KMT2E: variants seen among roughly 807,000 people sequenced by gnomAD.
KMT2E encodes the protein lysine methyltransferase 2E (inactive), also known as histone reader KMT2E.
A neutral mutation model predicts 184.6 loss-of-function variants in KMT2E; 30 were observed. The ratio of observed to expected loss-of-function variants is 0.16; its 90% confidence interval spans 0.12 to 0.22. The LOEUF is 0.22. KMT2E is among the 10% of genes least tolerant of loss of function. The probability of loss-of-function intolerance (pLI) is 1.00; values close to 1 mark genes in which losing one functional copy is unlikely to be tolerated. For missense variants in KMT2E, 2,023 were observed against 2,237.4 expected, an observed-to-expected ratio of 0.90 and a Z score of 1.93; for synonymous variants, 815 against 776.5, an observed-to-expected ratio of 1.05 and a Z score of -0.82.
chr7:105,091,773 G>A (rs1469747436), intron 15 of KMT2E, among the ~76,000 whole-genome samples: 2 of 149,142 alleles, frequency 1.3e-5, no homozygotes, highest in East Asian at 1.9e-4. Context: ...CACTGCTATC[G>A]TACAATAAGG....
rs374830056 is a variant in KMT2E, at chr7:105,107,825, G to C, written c.3368G>C (p.Cys1123Ser). Residue 1123 changes from cysteine to serine, a missense_variant, in exon 22 of 27, where the codon TGT becomes TCT. Cys to Ser is a moderately radical substitution (Grantham distance 112). Around this residue, in one of 8 missense-constraint regions of KMT2E, gnomAD observed 1,108 missense variants for 1,050.9 expected, o/e 1.05. Transcript: ENST00000311117. ...ATGTTTATGGAAACAACTGTGTTTT[G>C]TACTTCCGAAGATGGGCTTGTATCT... ...RGMFMETTVF[C>S]TSEDGLVSGF... The C allele has an allele frequency of 2.4e-5, 38 of 1,613,960 alleles. No homozygotes were observed. The highest frequency in any genetic ancestry group is 3.2e-5 in the Non-Finnish European group (38 of 1,180,006).
intron 15 of KMT2E, 125 bp from the exon 16 acceptor site, chr7:105,101,300 A>G (rs993996155): frequency 1.7e-6 from 1 of 586,842 alleles, no homozygotes; most frequent in Admixed American, 3.9e-5. Context: ...ATATCCACCA[A>G]TAATAGAAGT....
At chr7:105,067,769 G>A (rs1177802037) in intron 6 of KMT2E, among the ~76,000 whole-genome samples, 2 of 151,930 alleles carry the variant, frequency 1.3e-5, no homozygotes, top group Non-Finnish European at 2.9e-5. Context: ...CCAGGAGTTC[G>A]AGACCAGCTT....
At chr7:105,107,052 CAA>C (rs1798931731) in intron 20 of KMT2E, 112 bp from the exon 21 acceptor site, 1 of 676,752 alleles carries the variant, frequency 1.5e-6, no homozygotes. Flanking sequence ...AAACAGGAAA[CAA>C]GATCTAAAAC....
intron 1 of KMT2E, among the ~76,000 whole-genome samples, chr7:105,024,307 A>C (rs1347653562): frequency 6.6e-6 from 1 of 152,178 alleles, no homozygotes; most frequent in Non-Finnish European, 1.5e-5. Flanking sequence ...GATTGATGGA[A>C]GTTCAGTTTG....
At chr7:105,056,946 G>A (rs527629356) in intron 3 of KMT2E, among the ~76,000 whole-genome samples, 1 of 152,272 alleles carries the variant, frequency 6.6e-6, no homozygotes, top group South Asian at 2.1e-4. Flanking sequence ...TGGAGAAAAT[G>A]CCTCGTTATA....
At chr7:105,035,916 G>A (rs1173099500) in intron 1 of KMT2E, among the ~76,000 whole-genome samples, 2 of 152,168 alleles carry the variant, frequency 1.3e-5, no homozygotes, top group Non-Finnish European at 2.9e-5. Context: ...GTGTTTTAAT[G>A]CATTGTTACA....
intron 15 of KMT2E, among the ~76,000 whole-genome samples, chr7:105,093,061 AG>A (rs773766586): frequency 1.3e-5 from 2 of 152,198 alleles, no homozygotes; most frequent in East Asian, 3.9e-4. Context: ...CAGGTGTGAC[AG>A]TGCATGCCTG....
At chr7:105,106,297 C>T (rs932566537) in intron 19 of KMT2E, among the ~76,000 whole-genome samples, 2 of 152,068 alleles carry the variant, frequency 1.3e-5, no homozygotes, top group African/African-American at 4.8e-5. Context: ...ACTTTGAGAC[C>T]CCTAGGCCTA....
chr7:105,108,869 A>G lies in KMT2E; in HGVS notation c.3469-73A>G, dbSNP rs1799038305. 7.8e-6 allele frequency: 10 copies of G among 1,277,800 alleles called. No individual in the cohort carries two copies. The African/African-American group carries it at 9.0e-5, about 12-fold the overall frequency. 79.2% of individuals were successfully genotyped at this position (1,277,800 alleles called of 1,614,324 possible). The stretch of plus-strand genomic sequence containing the variant: ...TAAATATAGTAATTCTCTTTAGACA[A>G]AAAAGAATGCATTGGTTCTGACATA... On this transcript the variant is annotated intron_variant, in intron 22 of 26. Transcript: ENST00000311117.
intron 17 of KMT2E, chr7:105,105,164 C>CA (rs996640075): frequency 5.2e-3 from 1,200 of 232,358 alleles, no homozygotes; most frequent in East Asian, 8.1e-3. Context: ...TATCTTGTCT[C>CA]AAAAAAAAAA....
chr7:105,038,836 T>C (rs1376040997), intron 2 of KMT2E, among the ~76,000 whole-genome samples: 1 of 152,216 alleles, frequency 6.6e-6, no homozygotes, highest in East Asian at 1.9e-4. Context: ...TTTTTTATAT[T>C]AATGCAAATA....
chr7:105,113,980 C>CCTTTCACAA lies in KMT2E; in HGVS notation c.*647_*648insCTTTCACAA, dbSNP rs1490194807. ...CTGTGTGATCTTTGTGAAAGTAGTACAGTATATGACCTTTAATTTCTTTTT... is the reference window on the plus strand; with the variant it reads ...CTGTGTGATCTTTGTGAAAGTAGTACCTTTCACAAAGTATATGACCTTTAATTTCTTTTT... On this transcript the variant is annotated 3_prime_UTR_variant, in exon 27 of 27. Transcript: ENST00000311117. 1 of 152,860 alleles carries CCTTTCACAA rather than the reference C, an allele frequency of 6.5e-6. No homozygotes were observed. Among genetic ancestry groups the CCTTTCACAA allele is most frequent in the Non-Finnish European group, 1.5e-5 (1 of 68,176 alleles). 9.5% of individuals were successfully genotyped at this position (152,860 alleles called of 1,614,324 possible).
intron 13 of KMT2E, among the ~76,000 whole-genome samples, chr7:105,087,191 C>T (rs1394094769): frequency 6.9e-6 from 1 of 145,138 alleles, no homozygotes; most frequent in African/African-American, 2.5e-5. Context: ...TTAGCATATA[C>T]ATGCTATATA....
rs116854893 is a variant in KMT2E, at chr7:105,059,790, A to G, written c.72-2374A>G. ...AAAGTTTAGAGAAAGATACATGGCA[A>G]TATTAACATGAGAATGTTTGGGAGT... On this transcript the variant is annotated intron_variant, in intron 3 of 26. Transcript: ENST00000311117. Among the ~76,000 whole-genome samples, 772 of 152,182 alleles carry G rather than the reference A, an allele frequency of 5.1e-3. 1 individual carries two copies. The highest frequency in any genetic ancestry group is 7.7e-3 in the Non-Finnish European group (526 of 67,996).
chr7:105,071,596 ATATATATATATATTTTTTT>A (rs1797307083), intron 6 of KMT2E, among the ~76,000 whole-genome samples: 5 of 59,934 alleles, frequency 8.3e-5, no homozygotes, highest in South Asian at 4.8e-4. Context: ...ATATATATAT[ATATATATATATATTTTTTT>A]TTTTTTTTTT....
At chr7:105,109,456 C>T (rs1275732898) in intron 23 of KMT2E, among the ~76,000 whole-genome samples, 1 of 152,222 alleles carries the variant, frequency 6.6e-6, no homozygotes, top group Non-Finnish European at 1.5e-5. Context: ...CACATATCCT[C>T]TCCAAAGAAT....
intron 1 of KMT2E, among the ~76,000 whole-genome samples, chr7:105,027,795 T>G (rs555082156): frequency 6.6e-6 from 1 of 152,278 alleles, no homozygotes; most frequent in Admixed American, 6.5e-5. Flanking sequence ...AACTTGAAAG[T>G]ATTTACATAT....
chr7:105,107,795 G>C lies in KMT2E; in HGVS notation c.3338G>C (p.Arg1113Thr), dbSNP rs371287017. The C allele has an allele frequency of 6.2e-7, 1 of 1,614,016 alleles. No homozygotes were observed. The highest frequency in any genetic ancestry group is 8.5e-7 in the Non-Finnish European group (1 of 1,180,022). Residue 1113 changes from arginine (R) to threonine (T), a missense_variant, in exon 22 of 27, where the codon AGA (arginine) becomes ACA (threonine). Arg to Thr is a moderately conservative substitution (Grantham distance 71). Around this residue, in one of 8 missense-constraint regions of KMT2E, gnomAD observed 1,108 missense variants for 1,050.9 expected, o/e 1.05. Coordinates refer to ENST00000311117, the MANE Select transcript of KMT2E (RefSeq NM_182931.3). Reference sequence around the variant, plus strand: ...AAGTGCCTGATGCAGGATGATACTAGAGGCATGTTTATGGAAACAACTGTG... The same window carrying C: ...AAGTGCCTGATGCAGGATGATACTACAGGCATGTTTATGGAAACAACTGTG... Reference protein sequence around the residue: ...ESKCLMQDDTRGMFMETTVFC... With the variant: ...ESKCLMQDDTTGMFMETTVFC...
Sources: allele counts gnomAD v4.1 joint callset (sites outside exome capture counted in the v4.1 genomes callset), GRCh38; gene constraint gnomAD v4.1.1; regional missense constraint gnomAD v4.1.1; transcripts MANE v1.5; gene names NCBI Gene and HGNC (gene_info 2026-07-23, HGNC 2026-07-21).